Variants in MTMR7 observed in about 807,000 individuals in gnomAD.
MTMR7 encodes myotubularin related protein 7.
MTMR7 carries 76 observed loss-of-function variants against 81.2 expected under a neutral mutation model. That is an observed-to-expected ratio of 0.94 (90% CI 0.78 to 1.13). The LOEUF is 1.13. MTMR7 is among the 50% of genes most tolerant of loss of function. The pLI is 0.00. For missense variants in MTMR7, 1,044 were observed against 820.0 expected, an observed-to-expected ratio of 1.27 and a Z score of -3.34; for synonymous variants, 372 against 289.8, an observed-to-expected ratio of 1.28 and a Z score of -2.88.
In MTMR7 at chr8:17,313,361, C is replaced by A. The variant is rs1261741096; in HGVS notation, c.906G>T (p.Trp302Cys). 6.2e-7 allele frequency: 1 copy of A among 1,612,520 alleles called. No individual in the cohort carries two copies. Among genetic ancestry groups the A allele is most frequent in the Non-Finnish European group, 8.5e-7 (1 of 1,179,006 alleles). The change falls in exon 8 of 14, where the codon TGG becomes TGT. Residue 302 changes from tryptophan (W) to cysteine (C), a missense_variant. Physicochemically the swap from Trp to Cys is radical, Grantham distance 215. Coordinates refer to ENST00000180173, the MANE Select transcript of MTMR7 (RefSeq NM_004686.5). ...LKSPSMSDFL[W>C]GLENSGWLRH... ...TTAACCAGCCAGAGTTCTCCAGACC[C>A]CACAGGAAATCACTCATGGAGGGAG...
At chr8:17,309,412 G>A (rs911896393) in intron 9 of MTMR7, 86 bp from the exon 10 acceptor site, 5 of 927,204 alleles carry the variant, frequency 5.4e-6, no homozygotes, top group Admixed American at 2.1e-5. Flanking sequence ...GGAATTCAGA[G>A]GCACTTGCAG....
intron 1 of MTMR7, among the ~76,000 whole-genome samples, chr8:17,388,572 C>T (rs1563374213): frequency 6.6e-6 from 1 of 152,200 alleles, no homozygotes; most frequent in Non-Finnish European, 1.5e-5. Context: ...TTCTAAAATT[C>T]TAAAATGATT....
At chr8:17,382,755 A>G (rs6988437) in intron 1 of MTMR7, among the ~76,000 whole-genome samples, 18,348 of 152,216 alleles carry the variant, frequency 0.12, 2,407 homozygotes, top group African/African-American at 0.33. Flanking sequence ...AAAAATTCAG[A>G]CAGAGTCCTT....
chr8:17,329,325 G>C (rs1818871074), intron 7 of MTMR7, among the ~76,000 whole-genome samples: 1 of 152,166 alleles, frequency 6.6e-6, no homozygotes, highest in Non-Finnish European at 1.5e-5. Context: ...CATTGGTCAA[G>C]ACCACGTACA....
chr8:17,306,780 A>G (rs1817482791), intron 10 of MTMR7, among the ~76,000 whole-genome samples: 1 of 152,236 alleles, frequency 6.6e-6, no homozygotes, highest in African/African-American at 2.4e-5. Flanking sequence ...AACTTCTCAG[A>G]TGTTACAGTT....
intron 12 of MTMR7, among the ~76,000 whole-genome samples, chr8:17,302,714 C>T (rs1231579019): frequency 2.5e-5 from 2 of 79,494 alleles, no homozygotes; most frequent in African/African-American, 7.2e-5. Context: ...CCCCCCCCCC[C>T]CCGCTTTTTT....
At chr8:17,408,062 T>C (rs1036167257) in intron 1 of MTMR7, among the ~76,000 whole-genome samples, 1 of 152,182 alleles carries the variant, frequency 6.6e-6, no homozygotes, top group Admixed American at 6.5e-5. Context: ...GACCTTTGTA[T>C]GAACCTAAAA....
At chr8:17,307,113 T>C (rs931840887) in intron 10 of MTMR7, among the ~76,000 whole-genome samples, 3 of 151,836 alleles carry the variant, frequency 2.0e-5, no homozygotes, top group African/African-American at 7.3e-5. Flanking sequence ...ACCTACAAAA[T>C]GGGAGAAAAT....
intron 7 of MTMR7, among the ~76,000 whole-genome samples, chr8:17,329,721 C>A (rs1818894623): frequency 6.6e-6 from 1 of 152,112 alleles, no homozygotes; most frequent in Non-Finnish European, 1.5e-5. Context: ...AATAACAGTA[C>A]CAAGGAGTCC....
intron 1 of MTMR7, among the ~76,000 whole-genome samples, chr8:17,382,276 G>A (rs188724217): frequency 2.0e-5 from 3 of 152,274 alleles, no homozygotes; most frequent in Admixed American, 6.5e-5. Flanking sequence ...CCAAGGCCGA[G>A]GGCACCAAGC....
intron 1 of MTMR7, among the ~76,000 whole-genome samples, chr8:17,398,344 A>G (rs1821321440): frequency 6.6e-6 from 1 of 152,218 alleles, no homozygotes; most frequent in Admixed American, 6.5e-5. Context: ...AATTTAACAA[A>G]TAGATTCAAA....
chr8:17,375,531 T>C (rs1243840996), intron 1 of MTMR7, among the ~76,000 whole-genome samples: 1 of 151,896 alleles, frequency 6.6e-6, no homozygotes, highest in Admixed American at 6.6e-5. Flanking sequence ...TGCTGCACAT[T>C]CTTTTGTATG....
At chr8:17,377,293 T>A (rs1467996571) in intron 1 of MTMR7, among the ~76,000 whole-genome samples, 1 of 152,126 alleles carries the variant, frequency 6.6e-6, no homozygotes, top group Admixed American at 6.5e-5. Flanking sequence ...TTTTACTAAA[T>A]CCCATTTTAA....
At position 17,299,768 on chromosome 8, in the gene MTMR7, CACCAT is replaced by C. The variant is rs1816980487; in HGVS notation, c.*89_*93del. 2 of 1,517,110 alleles carry C rather than the reference CACCAT, an allele frequency of 1.3e-6. No individual in the cohort carries two copies. Among genetic ancestry groups the C allele is most frequent in the Non-Finnish European group, 1.8e-6 (2 of 1,121,910 alleles). 94.0% of individuals were successfully genotyped at this position (1,517,110 alleles called of 1,614,324 possible). ...CATTAAAGTAGTTCTCAATGACATG[CACCAT>C]TTCCTGTTTTTACAATAAACCACCT... On this transcript the variant is annotated 3_prime_UTR_variant, in exon 14 of 14. Coordinates refer to ENST00000180173, the MANE Select transcript of MTMR7 (RefSeq NM_004686.5).
At chr8:17,314,353 A>G (rs368206373) in intron 7 of MTMR7, among the ~76,000 whole-genome samples, 2 of 151,770 alleles carry the variant, frequency 1.3e-5, no homozygotes, top group African/African-American at 2.4e-5. Flanking sequence ...TCTACCCCCA[A>G]CTCCATGGGC....
chr8:17,337,349 T>A (rs1010684499), intron 6 of MTMR7, among the ~76,000 whole-genome samples: 11 of 81,062 alleles, frequency 1.4e-4, no homozygotes, highest in Admixed American at 3.3e-4. Flanking sequence ...TGGGGGCGAG[T>A]AAAACTCCGT....
At chr8:17,322,935 A>T (rs1176890487) in intron 7 of MTMR7, among the ~76,000 whole-genome samples, 1 of 142,722 alleles carries the variant, frequency 7.0e-6, no homozygotes, top group African/African-American at 2.7e-5. Context: ...TCCCATCTAG[A>T]GTGGATTGAA....
chr8:17,357,862 T>C (rs535497403), intron 4 of MTMR7, among the ~76,000 whole-genome samples: 100 of 152,350 alleles, frequency 6.6e-4, no homozygotes, highest in Non-Finnish European at 1.2e-3. Flanking sequence ...TTCAAAGTCC[T>C]GTGTATGCCA....
intron 3 of MTMR7, among the ~76,000 whole-genome samples, chr8:17,361,829 A>C (rs1563358084): frequency 1.3e-5 from 2 of 152,240 alleles, no homozygotes; most frequent in Admixed American, 1.3e-4. Context: ...TAAATATCGT[A>C]ATTGTGCTGC....
Sources: gnomAD v4.1 joint callset for allele counts (sites outside exome capture counted in the v4.1 genomes callset) on GRCh38, gnomAD v4.1.1 for gene constraint, MANE v1.5 for transcripts, NCBI Gene and HGNC (gene_info 2026-07-23, HGNC 2026-07-21) for gene names.